Variants in RPA1 observed in about 807,000 individuals in gnomAD.
The protein encoded by RPA1 is replication protein A1.
Under a neutral mutation model 83.0 loss-of-function variants are expected in RPA1, and 49 were observed. The observed-to-expected ratio is 0.59, with a 90% CI of 0.47 to 0.75. The LOEUF (loss-of-function observed/expected upper bound fraction) is 0.75. Ranked by LOEUF, RPA1 falls within the 30% of genes least tolerant of loss-of-function variation. RPA1 has a pLI of 0.00. For missense variants in RPA1, 693 were observed against 776.1 expected (o/e 0.89, Z 1.27); for synonymous variants, 279 against 281.8 (o/e 0.99, Z 0.10).
intron 1 of RPA1, among the ~76,000 whole-genome samples, chr17:1,831,536 T>G (rs570407136): frequency 6.6e-6 from 1 of 151,796 alleles, no homozygotes; most frequent in East Asian, 1.9e-4. Context: ...ACCCCCACAT[T>G]TTTTTTTAAA....
At chr17:1,873,880 C>A (rs1457383138) in intron 6 of RPA1, among the ~76,000 whole-genome samples, 1 of 150,992 alleles carries the variant, frequency 6.6e-6, no homozygotes, top group Non-Finnish European at 1.5e-5. Context: ...GTAGTCCCAG[C>A]TACTCGAGAG....
chr17:1,873,058 A>G (rs1428342892), intron 6 of RPA1, among the ~76,000 whole-genome samples: 2 of 152,208 alleles, frequency 1.3e-5, no homozygotes, highest in African/African-American at 4.8e-5. Flanking sequence ...TAGTTGACCA[A>G]GTAGTTTCTT....
Position 1,878,976 on chromosome 17 carries a change from CCCA to C in RPA1, c.691-15_691-13del, listed in dbSNP as rs752207361. The C allele has an allele frequency of 3.7e-6, 6 of 1,614,024 alleles. No individual in the cohort carries two copies. The South Asian group carries it at 6.6e-5, about 18-fold the overall frequency. ...TGTTCAATCCCGCAGCCCTAACCTG[CCCA>C]CGTGCTTCTGCAGGGTGAAATCCGA... On this transcript the variant is annotated splice_polypyrimidine_tract_variant and intron_variant, in intron 8 of 16. Transcript: ENST00000254719.
intron 6 of RPA1, among the ~76,000 whole-genome samples, chr17:1,874,610 A>G (rs1913510518): frequency 6.6e-6 from 1 of 152,224 alleles, no homozygotes; most frequent in Non-Finnish European, 1.5e-5. Flanking sequence ...GATTGGATGA[A>G]TGGATGCTTG....
intron 8 of RPA1, among the ~76,000 whole-genome samples, chr17:1,877,696 T>A (rs926856842): frequency 3.3e-5 from 5 of 152,176 alleles, no homozygotes; most frequent in Non-Finnish European, 5.9e-5. Flanking sequence ...CTGGCAGGTG[T>A]ACTGGAAGCA....
chr17:1,860,855 C>T (rs1029242033), intron 5 of RPA1, among the ~76,000 whole-genome samples: 4 of 152,114 alleles, frequency 2.6e-5, no homozygotes, highest in Admixed American at 2.6e-4. Context: ...GAGCTTTTTT[C>T]AGGGATACAG....
At position 1,899,990 on chromosome 17, in the gene RPA1, AAC is replaced by A. The variant is rs1343083032; in HGVS notation, c.*2818_*2819del. 1 of 152,174 alleles carries A rather than the reference AAC, an allele frequency of 6.6e-6. No homozygotes were observed. The highest frequency in any genetic ancestry group is 1.5e-5 in the Non-Finnish European group (1 of 68,038). The allele number at this position is 152,174 out of a possible 1,614,324, so 9.4% of individuals were successfully genotyped here. A position where few individuals can be genotyped will look rare whatever the true frequency, so the allele number is the denominator to read the frequency against. ...CGCTGGTAGAGTTCTGGCTTTTATA[AAC>A]ACCTTTGGAAGTCATCGGTTCCTCA... On this transcript the variant is annotated 3_prime_UTR_variant, in exon 17 of 17. Transcript: ENST00000254719.
At position 1,830,066 on chromosome 17, in the gene RPA1, T is replaced by A; in HGVS notation, c.-28T>A. 8.0e-7 allele frequency: 1 copy of A among 1,248,884 alleles called. No individual in the cohort carries two copies. The highest frequency in any genetic ancestry group is 1.0e-6 in the Non-Finnish European group (1 of 988,042). The allele number at this position is 1,248,884 out of a possible 1,614,324, so 77.4% of individuals were successfully genotyped here. On this transcript the variant is annotated 5_prime_UTR_variant, in exon 1 of 17. Coordinates refer to ENST00000254719, the MANE Select transcript of RPA1 (RefSeq NM_002945.5). ...TGGGGAAGCTGGAGCTGTTGCGGGG[T>A]CCGCGGGGAAGTCTTGGCGGTGGAG...
intron 16 of RPA1, 130 bp from the exon 17 acceptor site, chr17:1,896,941 G>C: frequency 1.3e-6 from 1 of 744,682 alleles, no homozygotes. Flanking sequence ...TCACTCACTG[G>C]AATGACTGAA....
At chr17:1,850,195 T>A (rs911106967) in intron 4 of RPA1, among the ~76,000 whole-genome samples, 2 of 147,906 alleles carry the variant, frequency 1.4e-5, no homozygotes, top group African/African-American at 5.0e-5. Context: ...GATTACCTAA[T>A]ATTCAACTCT....
chr17:1,891,995 A>G (rs549964090), intron 15 of RPA1, 55 bp downstream of exon 15: 53 of 1,257,072 alleles, frequency 4.2e-5, no homozygotes, highest in Non-Finnish European at 5.6e-5. Flanking sequence ...CTCATTCTAT[A>G]ACACTGACCC....
chr17:1,842,425 G>A (rs1347857667), intron 1 of RPA1, among the ~76,000 whole-genome samples: 3 of 151,860 alleles, frequency 2.0e-5, no homozygotes, highest in African/African-American at 7.3e-5. Flanking sequence ...TTTTTTGAGG[G>A]ATTTATCCAC....
chr17:1,851,974 G>T (rs769181945), intron 4 of RPA1, among the ~76,000 whole-genome samples: 1 of 152,214 alleles, frequency 6.6e-6, no homozygotes, highest in East Asian at 1.9e-4. Flanking sequence ...AGTCTAAAAC[G>T]TGATGAATTT....
At chr17:1,844,051 A>C in intron 3 of RPA1, 53 bp downstream of exon 3, 1 of 1,509,530 alleles carries the variant, frequency 6.6e-7, no homozygotes, top group Non-Finnish European at 9.2e-7. Flanking sequence ...TAGTAGAAGC[A>C]CACCTGGTCC....
At chr17:1,892,836 T>A (rs959954398) in intron 15 of RPA1, among the ~76,000 whole-genome samples, 18 of 152,260 alleles carry the variant, frequency 1.2e-4, no homozygotes, top group African/African-American at 4.3e-4. Flanking sequence ...GTTTATTTAA[T>A]GTACAGAATA....
chr17:1,861,870 G>A (rs1024307913), intron 5 of RPA1, among the ~76,000 whole-genome samples: 11 of 151,602 alleles, frequency 7.3e-5, no homozygotes, highest in African/African-American at 2.7e-4. Flanking sequence ...GATTACAGGC[G>A]TGCACCACTG....
At chr17:1,840,819 C>G (rs887547899) in intron 1 of RPA1, among the ~76,000 whole-genome samples, 5 of 152,082 alleles carry the variant, frequency 3.3e-5, no homozygotes, top group African/African-American at 1.2e-4. Flanking sequence ...AATCCCAGCA[C>G]TTTTTGGGAG....
chr17:1,889,294 A>T (rs1457892279), intron 14 of RPA1, among the ~76,000 whole-genome samples: 1 of 151,506 alleles, frequency 6.6e-6, no homozygotes, highest in African/African-American at 2.4e-5. Flanking sequence ...TTTCTGTTTT[A>T]AAAACCTTTT....
chr17:1,892,070 G>T, intron 15 of RPA1, 130 bp downstream of exon 15: 1 of 496,992 alleles, frequency 2.0e-6, no homozygotes, highest in East Asian at 3.2e-5. Flanking sequence ...GCAGTGGCGC[G>T]ATCTCAGCTC....
Sources: gnomAD v4.1 joint callset for allele counts (sites outside exome capture counted in the v4.1 genomes callset) on GRCh38, gnomAD v4.1.1 for gene constraint, MANE v1.5 for transcripts, NCBI Gene and HGNC (gene_info 2026-07-23, HGNC 2026-07-21) for gene names.